Variants in SPTBN1 observed in about 807,000 individuals in gnomAD.
SPTBN1 encodes the protein spectrin beta chain, non-erythrocytic 1.
Under a neutral mutation model 266.4 loss-of-function variants are expected in SPTBN1, and 32 were observed. That is an observed-to-expected ratio of 0.12 (90% CI 0.09 to 0.16). The LOEUF is 0.16. Among genes scored for constraint, SPTBN1 ranks in the 10% least tolerant of loss-of-function variants. The pLI is 1.00. For missense variants in SPTBN1, 2,296 were observed against 3,067.1 expected (o/e 0.75, Z 5.94); for synonymous variants, 1,336 against 1,162.2 (o/e 1.15, Z -3.04).
In SPTBN1 at chr2:54,558,023, GCT is replaced by G. The variant is rs1046018667; in HGVS notation, c.148+31460_148+31461del. The G allele has an allele frequency of 3.0e-6, 3 of 985,328 alleles. No homozygotes were observed. The African/African-American group carries it at 5.2e-5, about 17-fold the overall frequency. 61.0% of individuals were successfully genotyped at this position (985,328 alleles called of 1,614,324 possible). On this transcript the variant is annotated intron_variant, in intron 2 of 35. Coordinates refer to ENST00000356805, the MANE Select transcript of SPTBN1 (RefSeq NM_003128.3). This position sits in a 1 kb window ranked among gnomAD's most constrained non-coding sequence, Gnocchi z 4.6. Reference sequence around the variant, plus strand: ...GCCGCGCGGGCCCGGGACCCTTGGGGCTCTTCACTCTCCAGGCCGTCCCGTGG... The same window carrying G: ...GCCGCGCGGGCCCGGGACCCTTGGGGCTTCACTCTCCAGGCCGTCCCGTGG...
chr2:54,473,586 A>C (rs1001125018), intron 1 of SPTBN1, among the ~76,000 whole-genome samples: 11 of 152,124 alleles, frequency 7.2e-5, no homozygotes, highest in Non-Finnish European at 1.6e-4. Context: ...GGAGAGGTGA[A>C]CTACAGGCCA....
At chr2:54,534,157 C>G (rs898164200) in intron 2 of SPTBN1, among the ~76,000 whole-genome samples, 1 of 152,180 alleles carries the variant, frequency 6.6e-6, no homozygotes, top group African/African-American at 2.4e-5. Flanking sequence ...TGCCATCTCA[C>G]GCCTGGACTC....
At chr2:54,549,703 GGAGCCA>G (rs1425158131) in intron 2 of SPTBN1, among the ~76,000 whole-genome samples, 11 of 152,192 alleles carry the variant, frequency 7.2e-5, no homozygotes, top group Non-Finnish European at 1.3e-4. Flanking sequence ...TTTCTAAGAA[GGAGCCA>G]TCATCCCAGC....
chr2:54,484,004 G>C (rs1442636690), intron 1 of SPTBN1, among the ~76,000 whole-genome samples: 7 of 152,024 alleles, frequency 4.6e-5, no homozygotes, highest in Non-Finnish European at 1.0e-4. Flanking sequence ...AGACCAGCCT[G>C]GGAAACATGG....
At chr2:54,478,594 CAA>C (rs1395461556) in intron 1 of SPTBN1, among the ~76,000 whole-genome samples, 6 of 152,160 alleles carry the variant, frequency 3.9e-5, no homozygotes, top group Non-Finnish European at 8.8e-5. Context: ...CAGCTTCACA[CAA>C]GAGTAAGGGC....
intron 2 of SPTBN1, among the ~76,000 whole-genome samples, chr2:54,555,827 G>A (rs2104448620): frequency 6.6e-6 from 1 of 152,286 alleles, no homozygotes; most frequent in African/African-American, 2.4e-5. Flanking sequence ...GTTCCAGCCT[G>A]TTGATGTCTA....
intron 23 of SPTBN1, 46 bp from the exon 24 acceptor site, chr2:54,647,085 G>A (rs1340073323): frequency 6.2e-7 from 1 of 1,613,422 alleles, no homozygotes; most frequent in African/African-American, 1.3e-5. Context: ...TAAGGGGTAG[G>A]GCCAGAGGGG....
Position 54,460,738 on chromosome 2 carries a change from G to A in SPTBN1, c.-48+4220G>A, listed in dbSNP as rs1156301636. On this transcript the variant is annotated intron_variant, in intron 1 of 35. Coordinates refer to ENST00000356805, the MANE Select transcript of SPTBN1 (RefSeq NM_003128.3). ...AAACCAGCTGGGTGCAGTGGCTCACGCCTGTAATCCCAGCACTTTGGGATG... is the reference window on the plus strand; with the variant it reads ...AAACCAGCTGGGTGCAGTGGCTCACACCTGTAATCCCAGCACTTTGGGATG... Among the ~76,000 whole-genome samples, 4 of 152,152 alleles carry A rather than the reference G, an allele frequency of 2.6e-5. No homozygotes were observed. In the South Asian group the frequency reaches 6.2e-4, roughly 24 times the overall value.
In SPTBN1 at chr2:54,540,283, C is replaced by T. The variant is rs745844151; in HGVS notation, c.148+13717C>T. 1.3e-4 allele frequency among the ~76,000 whole-genome samples: 20 copies of T among 152,096 alleles called. No homozygotes were observed. Among genetic ancestry groups the T allele is most frequent in the Non-Finnish European group, 2.6e-4 (18 of 68,036 alleles). ...AGAATCCTGGAGTTTAATCTTTCTCCTACCAGAATATTTGTCTTAGATTTT... is the reference window on the plus strand; with the variant it reads ...AGAATCCTGGAGTTTAATCTTTCTCTTACCAGAATATTTGTCTTAGATTTT... On this transcript the variant is annotated intron_variant, in intron 2 of 35. Coordinates refer to ENST00000356805, the MANE Select transcript of SPTBN1 (RefSeq NM_003128.3). The surrounding 1 kb of genome is among the most constrained non-coding windows in gnomAD (Gnocchi z 5.6).
intron 2 of SPTBN1, among the ~76,000 whole-genome samples, chr2:54,537,934 G>A (rs1671706004): frequency 6.6e-6 from 1 of 152,170 alleles, no homozygotes; most frequent in Non-Finnish European, 1.5e-5. Context: ...GAGTGTGGAG[G>A]GACATAAGAG....
At chr2:54,481,407 T>A (rs1042253802) in intron 1 of SPTBN1, among the ~76,000 whole-genome samples, 12 of 92,128 alleles carry the variant, frequency 1.3e-4, no homozygotes, top group African/African-American at 5.9e-4. Context: ...TGTGTGTGTG[T>A]GTGTGTGTGT....
intron 2 of SPTBN1, among the ~76,000 whole-genome samples, chr2:54,547,040 TC>T (rs1672285332): frequency 6.6e-6 from 1 of 152,136 alleles, no homozygotes; most frequent in African/African-American, 2.4e-5. Context: ...TTAACTATGT[TC>T]ATATTGTTGT....
At chr2:54,660,954 T>A in intron 32 of SPTBN1, 1 of 985,424 alleles carries the variant, frequency 1.0e-6, no homozygotes, top group Non-Finnish European at 1.2e-6. Flanking sequence ...CAAACTGTTT[T>A]AATTTTTCAA....
chr2:54,473,823 AC>A (rs1694049045), intron 1 of SPTBN1, among the ~76,000 whole-genome samples: 1 of 152,234 alleles, frequency 6.6e-6, no homozygotes, highest in Admixed American at 6.5e-5. Flanking sequence ...TAAATTTTAC[AC>A]ATGTATATGG....
intron 2 of SPTBN1, among the ~76,000 whole-genome samples, chr2:54,530,353 C>CTTTTTTTTTTTTTTTTTTTTTTT (rs549491367): frequency 5.4e-5 from 4 of 73,882 alleles, no homozygotes; most frequent in African/African-American, 1.1e-4. Flanking sequence ...TTGTAAAAAA[C>CTTTTTTTTTTTTTTTTTTTTTTT]TTTTTTTTTT....
rs760819473 is a variant in SPTBN1 at position 54,622,288 on chromosome 2, C to T, written c.877-12C>T. ...ACATGATCTTTTCAATTTTTCTATCCCTTGTTGCCAGGTGCTTGACAATGC... is the reference window on the plus strand; with the variant it reads ...ACATGATCTTTTCAATTTTTCTATCTCTTGTTGCCAGGTGCTTGACAATGC... On this transcript the variant is annotated splice_polypyrimidine_tract_variant and intron_variant, in intron 8 of 35. Coordinates refer to ENST00000356805, the MANE Select transcript of SPTBN1 (RefSeq NM_003128.3). 1.9e-6 allele frequency: 3 copies of T among 1,611,166 alleles called. No individual in the cohort carries two copies. Among genetic ancestry groups the T allele is most frequent in the East Asian group, 2.2e-5 (1 of 44,762 alleles).
chr2:54,620,765 A>G (rs1677939779), intron 7 of SPTBN1, among the ~76,000 whole-genome samples: 1 of 152,206 alleles, frequency 6.6e-6, no homozygotes. Context: ...AAATTGATGG[A>G]AAAAAGGGAA....
intron 12 of SPTBN1, among the ~76,000 whole-genome samples, chr2:54,627,449 C>A (rs1429523855): frequency 6.6e-6 from 1 of 152,172 alleles, no homozygotes; most frequent in Non-Finnish European, 1.5e-5. Context: ...AACTTAAACT[C>A]TAGAAGTTGC....
intron 2 of SPTBN1, among the ~76,000 whole-genome samples, chr2:54,548,199 T>G (rs1672361873): frequency 6.6e-6 from 1 of 152,200 alleles, no homozygotes; most frequent in Admixed American, 6.5e-5. Context: ...AGGTATTTTT[T>G]TAAGTGCCTC....
Sources: allele counts gnomAD v4.1 joint callset (sites outside exome capture counted in the v4.1 genomes callset), GRCh38; gene constraint gnomAD v4.1.1; non-coding constraint Gnocchi (gnomAD v3.1); transcripts MANE v1.5; gene names NCBI Gene and HGNC (gene_info 2026-07-23, HGNC 2026-07-21).